POLD3: variants seen among roughly 807,000 people sequenced by gnomAD.
The protein encoded by POLD3 is DNA polymerase delta subunit 3.
POLD3 carries 19 observed loss-of-function variants against 58.2 expected under a neutral mutation model. The ratio of observed to expected loss-of-function variants is 0.33; its 90% CI spans 0.23 to 0.48. The LOEUF is 0.48. Ranked by LOEUF, POLD3 falls within the 20% of genes least tolerant of loss-of-function variation. The pLI, the probability that POLD3 is intolerant of heterozygous loss-of-function variation, is 0.99. For missense variants in POLD3, 504 were observed against 545.5 expected, an observed-to-expected ratio of 0.92 and a Z score of 0.76; for synonymous variants, 172 against 193.5, an observed-to-expected ratio of 0.89 and a Z score of 0.92.
chr11:74,655,693 G>A (rs76665665), intron 4 of POLD3, among the ~76,000 whole-genome samples: 4,123 of 151,346 alleles, frequency 0.027, 223 homozygotes, highest in African/African-American at 0.094. Flanking sequence ...CAAAAAGTAG[G>A]AATAGAAGAA....
At position 74,642,200 on chromosome 11, in the gene POLD3, G is replaced by A. The variant is rs2032931161; in HGVS notation, c.*1434G>A. Reference sequence around the variant, plus strand: ...TAACATGAGCTTCTTTAGCAACCAAGCATGAACTTGATTAAGACCAGAAGT... The same window carrying A: ...TAACATGAGCTTCTTTAGCAACCAAACATGAACTTGATTAAGACCAGAAGT... On this transcript the variant is annotated 3_prime_UTR_variant, in exon 12 of 12. Transcript: ENST00000263681. 1 of 985,478 alleles carries A rather than the reference G, an allele frequency of 1.0e-6. No individual in the cohort carries two copies. Among genetic ancestry groups the A allele is most frequent in the Non-Finnish European group, 1.2e-6 (1 of 829,954 alleles). The allele number at this position is 985,478 out of a possible 1,614,324, so 61.0% of individuals were successfully genotyped here.
At chr11:74,662,345 C>T (rs1253576936) in intron 4 of POLD3, among the ~76,000 whole-genome samples, 1 of 151,004 alleles carries the variant, frequency 6.6e-6, no homozygotes, top group Non-Finnish European at 1.5e-5. Context: ...TGGCGTACTA[C>T]CTGGTTATTG....
intron 10 of POLD3, 46 bp from the exon 11 acceptor site, chr11:74,636,151 A>G (rs748357013): frequency 4.5e-6 from 7 of 1,557,124 alleles, no homozygotes; most frequent in Admixed American, 3.5e-5. Context: ...ATTTTTCTGT[A>G]TAACATAATT....
intron 4 of POLD3, among the ~76,000 whole-genome samples, chr11:74,660,593 G>C (rs972464637): frequency 6.6e-6 from 1 of 152,156 alleles, no homozygotes; most frequent in African/African-American, 2.4e-5. Context: ...GAGGGGCCTG[G>C]TAGGAGATGA....
At chr11:74,602,699 C>A (rs937098363) in intron 2 of POLD3, among the ~76,000 whole-genome samples, 2 of 152,210 alleles carry the variant, frequency 1.3e-5, no homozygotes, top group Admixed American at 1.3e-4. Context: ...GATCACATTA[C>A]CTCTGCTCTC....
Position 74,625,404 on chromosome 11 carries a change from A to G in POLD3, c.734-4A>G, listed in dbSNP as rs1251659518. ...ATATGTCGTCTGCTATACTTTATTT[A>G]TAGATAAATTTAAAGTCAATTTGGA... On this transcript the variant is annotated splice_region_variant and splice_polypyrimidine_tract_variant and intron_variant, in intron 7 of 11. Transcript: ENST00000263681. 6.3e-7 allele frequency: 1 copy of G among 1,598,064 alleles called. No individual in the cohort carries two copies. Among genetic ancestry groups the G allele is most frequent in the Admixed American group, 1.8e-5 (1 of 57,086 alleles).
intron 7 of POLD3, among the ~76,000 whole-genome samples, chr11:74,622,756 T>C (rs1165749888): frequency 6.6e-6 from 1 of 152,206 alleles, no homozygotes; most frequent in Non-Finnish European, 1.5e-5. Flanking sequence ...TGTAAAATGA[T>C]GTGTACTCAC....
chr11:74,665,391 A>ATTTT (rs1202426924), intron 4 of POLD3, among the ~76,000 whole-genome samples: 2,079 of 83,206 alleles, frequency 0.025, 137 homozygotes, highest in African/African-American at 0.07. Flanking sequence ...CCCTTTTATA[A>ATTTT]TTTTTTTTTT....
rs1445307622 is a variant in POLD3 at position 74,612,540 on chromosome 11, C to T, written c.260-338C>T. 3.3e-5 allele frequency among the ~76,000 whole-genome samples: 5 copies of T among 152,168 alleles called. No homozygotes were observed. The East Asian group carries it at 9.6e-4, about 29-fold the overall frequency. Reference sequence around the variant, plus strand: ...TCTCAGATAGAAATTACTTAGTACTCTTTAATTATATGCTATAGTGTAAGG... The same window carrying T: ...TCTCAGATAGAAATTACTTAGTACTTTTTAATTATATGCTATAGTGTAAGG... On this transcript the variant is annotated intron_variant, in intron 4 of 11. Coordinates refer to ENST00000263681, the MANE Select transcript of POLD3 (RefSeq NM_006591.3).
At chr11:74,621,854 T>TTTAC (rs2032270418) in intron 7 of POLD3, among the ~76,000 whole-genome samples, 1 of 150,840 alleles carries the variant, frequency 6.6e-6, no homozygotes, top group Non-Finnish European at 1.5e-5. Flanking sequence ...TTTCTTTTTA[T>TTTAC]TTATTTATTT....
intron 9 of POLD3, among the ~76,000 whole-genome samples, chr11:74,632,877 T>TATACACACACACACAC (rs1263669028): frequency 3.5e-5 from 4 of 115,730 alleles, no homozygotes; most frequent in African/African-American, 1.3e-4. Context: ...TTTAAGTAAA[T>TATACACACACACACAC]ACACACACAC....
At chr11:74,626,078 A>G (rs1452474247) in intron 8 of POLD3, among the ~76,000 whole-genome samples, 1 of 152,222 alleles carries the variant, frequency 6.6e-6, no homozygotes, top group Non-Finnish European at 1.5e-5. Context: ...AATTGGAGAC[A>G]CTACCTCATA....
intron 4 of POLD3, chr11:74,652,504 A>C (rs1029082187): frequency 1.3e-5 from 2 of 152,234 alleles, no homozygotes; most frequent in Non-Finnish European, 2.9e-5. Flanking sequence ...CTAATCATAC[A>C]TATTTTGTTC....
Position 74,640,933 on chromosome 11 carries a change from G to A in POLD3, c.*167G>A. ...ACTATTTCTGGTTTTTAACCAAAAG[G>A]AAATCATCTGGAAGCAGGAGGCAAA... On this transcript the variant is annotated 3_prime_UTR_variant, in exon 12 of 12. Transcript: ENST00000263681. The A allele has an allele frequency of 7.9e-7, 1 of 1,262,950 alleles. No individual in the cohort carries two copies. Among genetic ancestry groups the A allele is most frequent in the East Asian group, 3.1e-5 (1 of 31,922 alleles). The allele number at this position is 1,262,950 out of a possible 1,614,324, so 78.2% of individuals were successfully genotyped here.
chr11:74,640,669 A>G lies in POLD3; in HGVS notation c.1304A>G (p.Glu435Gly). 1 of 1,613,090 alleles carries G rather than the reference A, an allele frequency of 6.2e-7. No homozygotes were observed. Among genetic ancestry groups the G allele is most frequent in the Non-Finnish European group, 8.5e-7 (1 of 1,179,542 alleles). Residue 435 changes from glutamate (E) to glycine (G), a missense_variant, in exon 12 of 12, where the codon GAA becomes GGA. This residue lies in a region of POLD3 where 385 missense variants were observed against 370.5 expected (regional missense o/e 1.04). Coordinates refer to ENST00000263681, the MANE Select transcript of POLD3 (RefSeq NM_006591.3). ...CCCCCTGCCATGACTGTGAAAAAAG[A>G]ACCCAGAGAGGAACGAAAGGGCCCC... is the stretch of plus-strand genomic sequence containing the variant. ...HRPPAMTVKK[E>G]PREERKGPKK...
At chr11:74,613,345 C>T (rs1450331338) in intron 5 of POLD3, among the ~76,000 whole-genome samples, 1 of 151,870 alleles carries the variant, frequency 6.6e-6, no homozygotes, top group Non-Finnish European at 1.5e-5. Flanking sequence ...CAAACGTTGT[C>T]CTTAAAAAAA....
chr11:74,644,710 T>C (rs2032978804), downstream of POLD3, among the ~76,000 whole-genome samples: 1 of 152,216 alleles, frequency 6.6e-6, no homozygotes, highest in Non-Finnish European at 1.5e-5. Flanking sequence ...CCTTAATGTT[T>C]TCTGAACACC....
chr11:74,614,094 A>C (rs766808269), intron 5 of POLD3, among the ~76,000 whole-genome samples: 17 of 152,212 alleles, frequency 1.1e-4, no homozygotes, highest in Non-Finnish European at 1.8e-4. Flanking sequence ...AAGGTAGGAA[A>C]TAATTAGATA....
chr11:74,603,281 T>A (rs544582241), intron 2 of POLD3, among the ~76,000 whole-genome samples: 2 of 152,318 alleles, frequency 1.3e-5, no homozygotes, highest in African/African-American at 4.8e-5. Context: ...ATACTTGGAA[T>A]TGAAATAGTC....
Sources: allele counts gnomAD v4.1 joint callset (sites outside exome capture counted in the v4.1 genomes callset), GRCh38; gene constraint gnomAD v4.1.1; regional missense constraint gnomAD v4.1.1; transcripts MANE v1.5; gene names NCBI Gene and HGNC (gene_info 2026-07-23, HGNC 2026-07-21).